The following TRPM3 variants were observed in gnomAD, a reference collection of about 807,000 sequenced individuals.
TRPM3 encodes transient receptor potential cation channel subfamily M member 3.
A neutral mutation model predicts 181.2 loss-of-function variants in TRPM3; 77 were observed. The observed-to-expected ratio is 0.42, with a 90% confidence interval of 0.35 to 0.51. The LOEUF (loss-of-function observed/expected upper bound fraction) is 0.51. Among genes scored for constraint, TRPM3 ranks in the 20% least tolerant of loss-of-function variants. The probability of loss-of-function intolerance (pLI) is 0.01; values close to 1 mark genes in which losing one functional copy is unlikely to be tolerated. For synonymous variants in TRPM3, 745 were observed against 796.4 expected (o/e 0.94, Z 1.09); for missense variants, 1,759 against 2,196.7 (o/e 0.80, Z 3.98).
chr9:70,805,363 A>G (rs2090426817), intron 6 of TRPM3, among the ~76,000 whole-genome samples: 1 of 151,800 alleles, frequency 6.6e-6, no homozygotes, highest in African/African-American at 2.4e-5. Flanking sequence ...GTGAGACCCC[A>G]TCTCTACTAA....
At chr9:71,382,537 A>G (rs909350660) in intron 1 of TRPM3, among the ~76,000 whole-genome samples, 2 of 152,192 alleles carry the variant, frequency 1.3e-5, no homozygotes, top group African/African-American at 2.4e-5. Context: ...GTTCACACAC[A>G]TAAGGCTATA....
intron 12 of TRPM3, among the ~76,000 whole-genome samples, chr9:70,629,909 C>A (rs765102412): frequency 6.6e-6 from 1 of 152,148 alleles, no homozygotes; most frequent in Non-Finnish European, 1.5e-5. Flanking sequence ...AGGAAGAAAT[C>A]GGTTTTATAA....
intron 25 of TRPM3, among the ~76,000 whole-genome samples, chr9:70,545,548 C>CT (rs5898150): frequency 8.8e-6 from 1 of 113,350 alleles, no homozygotes; most frequent in African/African-American, 3.2e-5. Flanking sequence ...AATTTTCTTT[C>CT]TTTTTTTTTT....
chr9:70,783,562 C>T (rs1381884543), intron 7 of TRPM3, among the ~76,000 whole-genome samples: 4 of 152,156 alleles, frequency 2.6e-5, no homozygotes, highest in Non-Finnish European at 5.9e-5. Flanking sequence ...AGGGGTTCAA[C>T]AGGAGTTTAC....
chr9:71,389,741 C>A (rs1221404949), intron 1 of TRPM3, among the ~76,000 whole-genome samples: 2 of 151,954 alleles, frequency 1.3e-5, no homozygotes, highest in Non-Finnish European at 2.9e-5. Flanking sequence ...GAATGGAAAA[C>A]CAAAGACCAT....
intron 1 of TRPM3, among the ~76,000 whole-genome samples, chr9:71,211,046 T>C (rs2079465478): frequency 6.6e-6 from 1 of 152,186 alleles, no homozygotes; most frequent in African/African-American, 2.4e-5. Flanking sequence ...ACGTTGAGGG[T>C]TAGGGCTTGA....
intron 1 of TRPM3, among the ~76,000 whole-genome samples, chr9:71,370,281 T>C (rs1285394833): frequency 6.6e-6 from 1 of 152,144 alleles, no homozygotes; most frequent in African/African-American, 2.4e-5. Context: ...CTAGAAATAA[T>C]TAAGCTTAGT....
intron 1 of TRPM3, among the ~76,000 whole-genome samples, chr9:71,279,925 A>G (rs1338288885): frequency 6.6e-6 from 1 of 152,084 alleles, no homozygotes; most frequent in Non-Finnish European, 1.5e-5. Context: ...TAAAAAATAC[A>G]AAAATTAGCC....
At chr9:70,583,316 G>A (rs1009261932) in intron 22 of TRPM3, among the ~76,000 whole-genome samples, 7 of 152,210 alleles carry the variant, frequency 4.6e-5, no homozygotes, top group Admixed American at 1.3e-4. Context: ...CATAGCTTGC[G>A]CATGCTTTGC....
At chr9:70,673,148 G>C (rs1399879655) in intron 9 of TRPM3, among the ~76,000 whole-genome samples, 2 of 152,140 alleles carry the variant, frequency 1.3e-5, no homozygotes, top group African/African-American at 4.8e-5. Context: ...TTCCTAGTCT[G>C]TAAAATGCAT....
chr9:70,830,165 T>G (rs1213541195), intron 5 of TRPM3, among the ~76,000 whole-genome samples: 1 of 152,224 alleles, frequency 6.6e-6, no homozygotes, highest in African/African-American at 2.4e-5. Context: ...GCATTTGTGC[T>G]GGCTGAGACG....
intron 1 of TRPM3, among the ~76,000 whole-genome samples, chr9:70,999,387 C>G (rs145913023): frequency 2.6e-5 from 4 of 152,282 alleles, no homozygotes; most frequent in Non-Finnish European, 4.4e-5. Context: ...TTTACTAGGA[C>G]AGGGCACAGC....
intron 1 of TRPM3, among the ~76,000 whole-genome samples, chr9:71,169,308 G>C (rs2076720508): frequency 6.6e-6 from 1 of 152,120 alleles, no homozygotes; most frequent in African/African-American, 2.4e-5. Flanking sequence ...TGCAATACAT[G>C]CTCTTTATAT....
Position 71,390,618 on chromosome 9 carries a change from A to G in TRPM3, c.183+56035T>C, listed in dbSNP as rs1007371218. ...GACTCTTATTCCATCTTGGCTGTGC[A>G]TGGGCCACTCTTAGGTCTTTGTCTA... On this transcript the variant is annotated intron_variant, in intron 1 of 24. Coordinates refer to the TRPM3 transcript ENST00000357533. Among the ~76,000 whole-genome samples the G allele has an allele frequency of 9.3e-4, 141 of 152,112 alleles. 1 individual carries two copies. Among genetic ancestry groups the G allele is most frequent in the African/African-American group, 3.2e-3 (134 of 41,552 alleles).
At chr9:70,804,051 C>A (rs1371194869) in intron 6 of TRPM3, among the ~76,000 whole-genome samples, 3 of 152,050 alleles carry the variant, frequency 2.0e-5, no homozygotes, top group Non-Finnish European at 4.4e-5. Flanking sequence ...ACTGTTCTGG[C>A]CAGGCATGGT....
intron 1 of TRPM3, among the ~76,000 whole-genome samples, chr9:71,142,701 A>G (rs116320013): frequency 6.7e-6 from 1 of 149,248 alleles, no homozygotes; most frequent in Non-Finnish European, 1.5e-5. Context: ...ATTTATATTT[A>G]AAAAATTTGC....
chr9:70,941,708 G>T (rs2096887841), intron 1 of TRPM3, among the ~76,000 whole-genome samples: 1 of 152,128 alleles, frequency 6.6e-6, no homozygotes, highest in Non-Finnish European at 1.5e-5. Context: ...TTTACTAGAG[G>T]GGACAAACTG....
chr9:71,178,404 T>C (rs1283202444), intron 1 of TRPM3, among the ~76,000 whole-genome samples: 1 of 152,074 alleles, frequency 6.6e-6, no homozygotes, highest in African/African-American at 2.4e-5. Context: ...AAACAAAATA[T>C]AATTCTCTCA....
chr9:71,432,832 A>G (rs1307579208), intron 1 of TRPM3, among the ~76,000 whole-genome samples: 1 of 152,204 alleles, frequency 6.6e-6, no homozygotes. Context: ...GTCAGGTCCA[A>G]TTATACAACT....
Sources: allele counts gnomAD v4.1 joint callset (sites outside exome capture counted in the v4.1 genomes callset), GRCh38; gene constraint gnomAD v4.1.1; transcripts MANE v1.5; gene names NCBI Gene and HGNC (gene_info 2026-07-23, HGNC 2026-07-21).